The following CLEC16A variants were observed in gnomAD, a reference collection of about 807,000 sequenced individuals.
CLEC16A encodes the protein protein CLEC16A.
CLEC16A carries 51 observed loss-of-function variants against 109.5 expected under a neutral mutation model. That is an observed-to-expected ratio of 0.47 (90% CI 0.37 to 0.59). The LOEUF (loss-of-function observed/expected upper bound fraction) is 0.59, where lower values mean the gene tolerates loss of function less well. Among genes scored for constraint, CLEC16A ranks in the 20% least tolerant of loss-of-function variants. The probability of loss-of-function intolerance (pLI) is 0.00; values close to 1 mark genes in which losing one functional copy is unlikely to be tolerated. For synonymous variants in CLEC16A, 673 were observed against 564.2 expected (o/e 1.19, Z -2.73); for missense variants, 1,339 against 1,394.0 (o/e 0.96, Z 0.63).
intron 23 of CLEC16A, among the ~76,000 whole-genome samples, chr16:11,169,355 C>T (rs1462278509): frequency 1.3e-5 from 2 of 152,192 alleles, no homozygotes; most frequent in Admixed American, 6.5e-5. Flanking sequence ...GTCGCAGTCT[C>T]GGCTCACTGC....
chr16:11,003,188 G>A lies in CLEC16A; in HGVS notation c.1186G>A (p.Val396Ile), dbSNP rs774312800. 32 of 1,613,406 alleles carry A rather than the reference G, an allele frequency of 2.0e-5. No individual in the cohort carries two copies. Among genetic ancestry groups the A allele is most frequent in the Middle Eastern group, 1.7e-4 (1 of 5,938 alleles). The stretch of plus-strand genomic sequence containing the variant: ...GCAAAAGAGACCCAACTACAAAAAC[G>A]TTGGGGAAGAAGAAGATGAGGAGAA... ...RVQKRPNYKN[V>I]GEEEDEEKGP... The change falls in exon 11 of 24, where the codon GTT (valine) becomes ATT (isoleucine). Residue 396 changes from valine (V) to isoleucine (I), a missense_variant. Val to Ile is a conservative substitution (Grantham distance 29). Transcript: ENST00000409790.
intron 22 of CLEC16A, among the ~76,000 whole-genome samples, chr16:11,147,687 C>A (rs1412145761): frequency 6.6e-6 from 1 of 152,168 alleles, no homozygotes; most frequent in African/African-American, 2.4e-5. Flanking sequence ...TATGTGAATT[C>A]TATCTCAATG....
intron 23 of CLEC16A, among the ~76,000 whole-genome samples, chr16:11,167,794 C>G (rs1313022776): frequency 5.9e-5 from 9 of 152,188 alleles, no homozygotes; most frequent in Admixed American, 5.2e-4. Context: ...TTTCTGAGCC[C>G]AATTTAAGGT....
intron 17 of CLEC16A, among the ~76,000 whole-genome samples, chr16:11,049,966 C>T (rs1446245290): frequency 6.6e-6 from 1 of 152,250 alleles, no homozygotes; most frequent in African/African-American, 2.4e-5. Context: ...CAAGTGGCTC[C>T]TTGGCCCTCT....
intron 13 of CLEC16A, among the ~76,000 whole-genome samples, chr16:11,034,520 G>A (rs2046916243): frequency 6.6e-6 from 1 of 152,248 alleles, no homozygotes; most frequent in East Asian, 1.9e-4. Flanking sequence ...ACACTGTGGG[G>A]CCACACCCTT....
chr16:10,999,912 C>T (rs1354905373), intron 10 of CLEC16A, among the ~76,000 whole-genome samples: 2 of 152,200 alleles, frequency 1.3e-5, no homozygotes, highest in African/African-American at 4.8e-5. Flanking sequence ...TCTTGGTTTA[C>T]TTCAACCTCC....
chr16:10,971,071 G>A, intron 4 of CLEC16A, 54 bp from the exon 5 acceptor site: 2 of 1,114,622 alleles, frequency 1.8e-6, no homozygotes, highest in Non-Finnish European at 1.3e-6. Context: ...TTGGGGTGGG[G>A]CCAGGCCTGG....
intron 11 of CLEC16A, among the ~76,000 whole-genome samples, chr16:11,012,795 T>C (rs1439685705): frequency 6.6e-6 from 1 of 152,220 alleles, no homozygotes; most frequent in Admixed American, 6.5e-5. Context: ...ACAAATCTGG[T>C]AGGCTTGTTG....
chr16:11,166,240 G>C (rs1455348935), intron 22 of CLEC16A, 148 bp from the exon 23 acceptor site: 8 of 793,066 alleles, frequency 1.0e-5, no homozygotes, highest in Admixed American at 7.4e-5. Flanking sequence ...GGCTGGGTCA[G>C]GGCCACGACC....
chr16:11,150,500 A>C (rs1052214001), intron 22 of CLEC16A, among the ~76,000 whole-genome samples: 5 of 152,168 alleles, frequency 3.3e-5, no homozygotes, highest in African/African-American at 1.2e-4. Context: ...TGCAGTGGGC[A>C]TCCTTGGGCA....
intron 19 of CLEC16A, among the ~76,000 whole-genome samples, chr16:11,071,934 G>T (rs2049097096): frequency 6.6e-6 from 1 of 151,794 alleles, no homozygotes; most frequent in Non-Finnish European, 1.5e-5. Flanking sequence ...GTGGTTCTGT[G>T]GGAGTATGTT....
At chr16:10,987,994 G>T (rs1440056463) in intron 10 of CLEC16A, among the ~76,000 whole-genome samples, 1 of 152,186 alleles carries the variant, frequency 6.6e-6, no homozygotes, top group African/African-American at 2.4e-5. Context: ...CATCAGCATG[G>T]TTAGATGAAT....
chr16:11,035,584 CT>C (rs912191250), intron 13 of CLEC16A, among the ~76,000 whole-genome samples: 7 of 152,154 alleles, frequency 4.6e-5, no homozygotes, highest in Admixed American at 6.5e-5. Flanking sequence ...AAGCTCATGT[CT>C]TTTTTGAGCC....
chr16:11,026,645 G>T (rs1427445729), intron 13 of CLEC16A, among the ~76,000 whole-genome samples: 114 of 106,382 alleles, frequency 1.1e-3, no homozygotes, highest in South Asian at 3.6e-3. Flanking sequence ...TTTGTTTGGG[G>T]TTTTTTTTTT....
At chr16:11,131,258 C>A (rs1040769341) in intron 22 of CLEC16A, among the ~76,000 whole-genome samples, 1 of 152,214 alleles carries the variant, frequency 6.6e-6, no homozygotes, top group Non-Finnish European at 1.5e-5. Context: ...GGACCTGGCC[C>A]ATGGCAACAG....
chr16:11,022,902 A>AAT (rs3029840), intron 12 of CLEC16A, among the ~76,000 whole-genome samples: 7,107 of 142,908 alleles, frequency 0.05, 199 homozygotes, highest in Middle Eastern at 0.1. Context: ...CCATCTCAAA[A>AAT]ATATATATAT....
chr16:11,156,768 C>A (rs1306050117), intron 22 of CLEC16A: 2 of 868,628 alleles, frequency 2.3e-6, no homozygotes, highest in Non-Finnish European at 3.3e-6. Context: ...ACCTTCAGTT[C>A]TAGAAATCCA....
chr16:11,043,873 C>T (rs1181082891), intron 15 of CLEC16A, among the ~76,000 whole-genome samples, 155 bp from the exon 16 acceptor site: 2 of 145,530 alleles, frequency 1.4e-5, no homozygotes, highest in African/African-American at 5.0e-5. Context: ...GACTCCATCT[C>T]AAGAAAAGGG....
At chr16:11,120,811 AACAC>A (rs3217121) in intron 20 of CLEC16A, 45 bp downstream of exon 20, 16,060 of 914,744 alleles carry the variant, frequency 0.018, 4 homozygotes, top group South Asian at 0.027. Flanking sequence ...GTTGGCTACA[AACAC>A]ACACACACAC....
Sources: allele counts gnomAD v4.1 joint callset (sites outside exome capture counted in the v4.1 genomes callset), GRCh38; gene constraint gnomAD v4.1.1; transcripts MANE v1.5; gene names NCBI Gene and HGNC (gene_info 2026-07-23, HGNC 2026-07-21).